The following PLK2 variants were observed in gnomAD, a reference collection of about 807,000 sequenced individuals.
PLK2 encodes the protein polo like kinase 2.
Under a neutral mutation model 78.1 loss-of-function variants are expected in PLK2, and 25 were observed. The observed-to-expected ratio is 0.32, with a 90% CI of 0.23 to 0.45. The LOEUF (loss-of-function observed/expected upper bound fraction) is 0.45, where lower values mean the gene tolerates loss of function less well. Among genes scored for constraint, PLK2 ranks in the 20% least tolerant of loss-of-function variants. The pLI is 1.00. For synonymous variants in PLK2, 332 were observed against 298.2 expected (o/e 1.11, Z -1.17); for missense variants, 566 against 840.2 (o/e 0.67, Z 4.04).
chr5:58,455,057 A>C (rs760642180), intron 12 of PLK2, 36 bp from the exon 13 acceptor site: 1 of 1,281,162 alleles, frequency 7.8e-7, no homozygotes, highest in South Asian at 1.2e-5. Flanking sequence ...AGTGCCTACA[A>C]AGATTTTGTA....
intron 1 of PLK2, 121 bp downstream of exon 1, chr5:58,459,568 TG>T: frequency 2.4e-6 from 2 of 834,162 alleles, no homozygotes; most frequent in East Asian, 5.5e-5. Context: ...CACCTCGCGC[TG>T]GGATCGGACC....
Position 58,458,548 on chromosome 5 carries a change from A to G in PLK2, c.496-20T>C, listed in dbSNP as rs770220454. ...CATTGACTAAGAAGAGGAGAAGGAAAAAAGAGAATCTGTCAAAACAGTTAT... is the reference window on the plus strand; with the variant it reads ...CATTGACTAAGAAGAGGAGAAGGAAGAAAGAGAATCTGTCAAAACAGTTAT... On this transcript the variant is annotated intron_variant, in intron 3 of 13. Transcript: ENST00000274289. 1.3e-6 allele frequency: 2 copies of G among 1,597,098 alleles called. No individual in the cohort carries two copies. Among genetic ancestry groups the G allele is most frequent in the Admixed American group, 3.5e-5 (2 of 56,800 alleles).
chr5:58,458,394 CTT>C lies in PLK2; in HGVS notation c.625+3_625+4del, dbSNP rs1743666233. The C allele has an allele frequency of 6.2e-7, 1 of 1,613,732 alleles. No homozygotes were observed. Among genetic ancestry groups the C allele is most frequent in the Non-Finnish European group, 8.5e-7 (1 of 1,179,780 alleles). On this transcript the variant is annotated splice_donor_region_variant and intron_variant, in intron 4 of 13. Transcript: ENST00000274289. ...AAAACTCAGCTTTTGGCGTCAATGA[CTT>C]ACCTAGTTTGAGATCTCTGTGCAAG... is the stretch of plus-strand genomic sequence containing the variant.
At position 58,458,178 on chromosome 5, in the gene PLK2, G is replaced by A. The variant is rs1848510; in HGVS notation, c.626-7C>T. On this transcript the variant is annotated splice_polypyrimidine_tract_variant and splice_region_variant and intron_variant, in intron 4 of 13. Coordinates refer to ENST00000274289, the MANE Select transcript of PLK2 (RefSeq NM_006622.4). ...TCATTAATAAAAAAGTTCCCTAGAC[G>A]ATAAACAAAACAAAATGTGAATCCC... 0.38 allele frequency: 599,573 copies of A among 1,584,556 alleles called. 116,565 individuals carry two copies. Among genetic ancestry groups the A allele is most frequent in the East Asian group, 0.57 (25,648 of 44,730 alleles).
At chr5:58,458,269 T>A (rs1372325810) in intron 4 of PLK2, 98 bp from the exon 5 acceptor site, 5 of 1,303,202 alleles carry the variant, frequency 3.8e-6, no homozygotes, top group Non-Finnish European at 5.6e-6. Flanking sequence ...AATTGTTATA[T>A]GAAAGTCGCC....
intron 8 of PLK2, 112 bp downstream of exon 8, chr5:58,456,833 G>A: frequency 1.4e-6 from 1 of 700,402 alleles, no homozygotes; most frequent in Non-Finnish European, 2.4e-6. Context: ...CAACATTTAA[G>A]AATACGCAAA....
At chr5:58,459,170 T>C in intron 1 of PLK2, 78 bp from the exon 2 acceptor site, 1 of 752,922 alleles carries the variant, frequency 1.3e-6, no homozygotes, top group Non-Finnish European at 2.2e-6. Context: ...AATAAATAAA[T>C]GGGAAGAAAG....
intron 10 of PLK2, 115 bp downstream of exon 10, chr5:58,455,911 A>G: frequency 1.4e-6 from 2 of 1,474,332 alleles, no homozygotes; most frequent in South Asian, 1.3e-5. Flanking sequence ...CAATTCCTGT[A>G]ATCTTACTAC....
intron 1 of PLK2, 41 bp downstream of exon 1, chr5:58,459,649 C>T: frequency 6.6e-7 from 1 of 1,511,228 alleles, no homozygotes; most frequent in Non-Finnish European, 8.9e-7. Flanking sequence ...CCCGGACAGA[C>T]CTCCCGCCCG....
At chr5:58,458,332 T>TAA (rs200822969) in intron 4 of PLK2, 67 bp downstream of exon 4, 10 of 1,450,804 alleles carry the variant, frequency 6.9e-6, no homozygotes, top group East Asian at 2.3e-5. Context: ...CATTAATATG[T>TAA]AAAAAAAAAC....
At chr5:58,456,428 C>A in intron 9 of PLK2, 64 bp downstream of exon 9, 3 of 979,696 alleles carry the variant, frequency 3.1e-6, no homozygotes, top group Middle Eastern at 2.1e-4. Context: ...AGTCCAAGTG[C>A]TAATTAATAA....
chr5:58,459,670 C>T lies in PLK2; in HGVS notation c.270+20G>A, dbSNP rs778272112. On this transcript the variant is annotated intron_variant, in intron 1 of 13. Transcript: ENST00000274289. ...CAGACCTCCCGCCCGCCCGGCAGCCCGGCGCCCTCCGCTTGTCACCTTTCC... is the reference window on the plus strand; with the variant it reads ...CAGACCTCCCGCCCGCCCGGCAGCCTGGCGCCCTCCGCTTGTCACCTTTCC... 7 of 1,537,592 alleles carry T rather than the reference C, an allele frequency of 4.6e-6. No individual in the cohort carries two copies. The highest frequency in any genetic ancestry group is 2.1e-4 in the Middle Eastern group (1 of 4,878).
At chr5:58,455,967 T>A (rs1192234882) in intron 10 of PLK2, 59 bp downstream of exon 10, 15 of 1,547,080 alleles carry the variant, frequency 9.7e-6, no homozygotes, top group Non-Finnish European at 1.1e-5. Context: ...TAAATTATTA[T>A]GTATTTAGCA....
chr5:58,454,605 A>T lies in PLK2; in HGVS notation c.2036T>A (p.Met679Lys). ...CTTTCAGTTACATCTTTGTAAGAGCATGTTCAGGGCATATTCCATTCGATT... is the reference window on the plus strand; with the variant it reads ...CTTTCAGTTACATCTTTGTAAGAGCTTGTTCAGGGCATATTCCATTCGATT... ...LKNRMEYALN[M>K]LLQRCN Residue 679 changes from methionine to lysine, a missense_variant, in exon 14 of 14, where the codon ATG becomes AAG. By Grantham distance (95) the Met-to-Lys change is moderately conservative (BLOSUM62 -1). Around this residue, in one of 5 missense-constraint regions of PLK2, gnomAD observed 130 missense variants for 196.4 expected, o/e 0.66. Transcript: ENST00000274289. The T allele has an allele frequency of 6.2e-7, 1 of 1,612,538 alleles. No homozygotes were observed. The highest frequency in any genetic ancestry group is 8.5e-7 in the Non-Finnish European group (1 of 1,179,234).
At position 58,459,519 on chromosome 5, in the gene PLK2, G is replaced by T. The variant is rs562062341; in HGVS notation, c.270+171C>A. The T allele has an allele frequency of 3.1e-5, 19 of 606,422 alleles. No individual in the cohort carries two copies. In the East Asian group the frequency reaches 4.3e-4, roughly 14 times the overall value. The allele number at this position is 606,422 out of a possible 1,614,324, so 37.6% of individuals were successfully genotyped here. ...TAAGAATGCAAAGCCGATCCCCAGCGCTGCCGGCGCACAAAAGCCAGAGGG... is the reference window on the plus strand; with the variant it reads ...TAAGAATGCAAAGCCGATCCCCAGCTCTGCCGGCGCACAAAAGCCAGAGGG... On this transcript the variant is annotated intron_variant, in intron 1 of 13. Coordinates refer to ENST00000274289, the MANE Select transcript of PLK2 (RefSeq NM_006622.4).
intron 9 of PLK2, 92 bp downstream of exon 9, chr5:58,456,400 T>C: frequency 2.3e-6 from 2 of 885,114 alleles, no homozygotes; most frequent in South Asian, 3.2e-5. Context: ...TATGACATAT[T>C]TGAACCATGA....
At chr5:58,456,622 G>C (rs774714701) in intron 8 of PLK2, 33 bp from the exon 9 acceptor site, 10 of 1,295,620 alleles carry the variant, frequency 7.7e-6, no homozygotes, top group Non-Finnish European at 1.1e-5. Context: ...ACAAACATTA[G>C]TCTATCTTAA....
At chr5:58,458,870 T>C (rs770555081) in intron 2 of PLK2, 29 bp from the exon 3 acceptor site, 1 of 1,419,454 alleles carries the variant, frequency 7.0e-7, no homozygotes, top group East Asian at 2.3e-5. Flanking sequence ...TAAGGCTTAT[T>C]AGCTTCCAGT....
chr5:58,457,650 A>G (rs887619638), intron 5 of PLK2, 67 bp from the exon 6 acceptor site: 15 of 867,650 alleles, frequency 1.7e-5, no homozygotes, highest in Non-Finnish European at 3.9e-6. Context: ...TTCTCTTGAC[A>G]TGACTTGATG....
Sources: allele counts gnomAD v4.1 joint callset, GRCh38; gene constraint gnomAD v4.1.1; regional missense constraint gnomAD v4.1.1; transcripts MANE v1.5; gene names NCBI Gene and HGNC (gene_info 2026-07-23, HGNC 2026-07-21).